The following MMP14 variants were observed in gnomAD, a reference collection of about 807,000 sequenced individuals.
MMP14 encodes matrix metalloproteinase-14.
In MMP14, 13 loss-of-function variants were observed where a neutral mutation model predicts 64.8. That is an observed-to-expected ratio of 0.20 (90% CI 0.13 to 0.32). MMP14 has a LOEUF of 0.32. Among genes scored for constraint, MMP14 ranks in the 10% least tolerant of loss-of-function variants. The pLI is 1.00. For missense variants in MMP14, 594 were observed against 783.8 expected (o/e 0.76, Z 2.89); for synonymous variants, 322 against 315.9 (o/e 1.02, Z -0.20).
At chr14:22,845,141 C>A (rs2039802899) in intron 8 of MMP14, 110 bp from the exon 9 acceptor site, 1 of 784,530 alleles carries the variant, frequency 1.3e-6, no homozygotes. Context: ...AACCCCTGTC[C>A]CCACCCTGTC....
At chr14:22,840,041 A>C (rs1310940539) in intron 1 of MMP14, among the ~76,000 whole-genome samples, 3 of 134,460 alleles carry the variant, frequency 2.2e-5, no homozygotes, top group Non-Finnish European at 4.6e-5. Context: ...GATCTTGGCT[A>C]ACTGCAACCT....
chr14:22,847,467 G>T lies in MMP14; in HGVS notation c.*1428G>T. On this transcript the variant is annotated 3_prime_UTR_variant, in exon 10 of 10. Transcript: ENST00000311852. Reference sequence around the variant, plus strand: ...AGGGAGCAAGAGGAGAGGGATGTCGGGGGGGTGGGGCACGGGGTAGGGGAA... The same window carrying T: ...AGGGAGCAAGAGGAGAGGGATGTCGTGGGGGTGGGGCACGGGGTAGGGGAA... The T allele has an allele frequency of 6.6e-6, 1 of 152,000 alleles. No homozygotes were observed. The highest frequency in any genetic ancestry group is 2.4e-5 in the African/African-American group (1 of 41,352). The allele number at this position is 152,000 out of a possible 1,614,324, so 9.4% of individuals were successfully genotyped here. A position where few individuals can be genotyped will look rare whatever the true frequency, so the allele number is the denominator to read the frequency against.
chr14:22,843,780 T>A lies in MMP14; in HGVS notation c.921T>A (p.Asp307Glu). Residue 307 changes from aspartate (D) to glutamate (E), a missense_variant, in exon 6 of 10, where the codon GAT becomes GAA. This residue lies in a region of MMP14 where 364 missense variants were observed against 425.2 expected (regional missense o/e 0.86). Coordinates refer to ENST00000311852, the MANE Select transcript of MMP14 (RefSeq NM_004995.4). This position sits in a 1 kb window ranked among gnomAD's most constrained non-coding sequence, Gnocchi z 4.8. Reference sequence around the variant, plus strand: ...CTACCTCCCGGCCTTCTGTTCCTGATAAACCCAAAAACCCCACCTATGGGC... The same window carrying A: ...CTACCTCCCGGCCTTCTGTTCCTGAAAAACCCAAAAACCCCACCTATGGGC... ...PRTTSRPSVP[D>E]KPKNPTYGPN... The A allele has an allele frequency of 2.5e-6, 4 of 1,613,614 alleles. No individual in the cohort carries two copies. Among genetic ancestry groups the A allele is most frequent in the Non-Finnish European group, 3.4e-6 (4 of 1,179,892 alleles).
Position 22,842,839 on chromosome 14 carries a change from C to A in MMP14, c.688+122C>A. ...GGACCACAGAGACCTTCTGATCTAA[C>A]TTCTGACAAAAGCAGGAGTCCTGTT... On this transcript the variant is annotated intron_variant, in intron 4 of 9. Coordinates refer to ENST00000311852, the MANE Select transcript of MMP14 (RefSeq NM_004995.4). The surrounding 1 kb of genome is among the most constrained non-coding windows in gnomAD (Gnocchi z 5.3). The A allele has an allele frequency of 9.4e-7, 1 of 1,069,124 alleles. No homozygotes were observed. Among genetic ancestry groups the A allele is most frequent in the Non-Finnish European group, 1.3e-6 (1 of 754,940 alleles). 66.2% of individuals were successfully genotyped at this position (1,069,124 alleles called of 1,614,324 possible). A position where few individuals can be genotyped will look rare whatever the true frequency, so the allele number is the denominator to read the frequency against.
intron 1 of MMP14, chr14:22,837,438 G>A (rs1340714897): frequency 6.6e-6 from 3 of 454,866 alleles, no homozygotes; most frequent in Non-Finnish European, 1.3e-5. Flanking sequence ...CTGCGGCCAG[G>A]TGGGGGTCGA....
rs373180383 is a variant in MMP14 at position 22,845,700 on chromosome 14, C to T, written c.1418-8C>T. On this transcript the variant is annotated splice_region_variant and splice_polypyrimidine_tract_variant and intron_variant, in intron 9 of 9. Transcript: ENST00000311852. ...CTTCCTTACCACCTTCTGATTCACT[C>T]CCTGCAGTCTTCACTTACTTCTACA... is the stretch of plus-strand genomic sequence containing the variant. The T allele has an allele frequency of 1.9e-6, 3 of 1,613,306 alleles. No homozygotes were observed. Among genetic ancestry groups the T allele is most frequent in the Admixed American group, 3.3e-5 (2 of 60,014 alleles).
Position 22,843,819 on chromosome 14 carries a change from C to T in MMP14, c.960C>T (p.Asp320=), listed in dbSNP as rs371131343. The change falls in exon 6 of 10, where the codon GAC becomes GAT. Residue 320 remains aspartate (D), a synonymous_variant. Transcript: ENST00000311852. This position sits in a 1 kb window ranked among gnomAD's most constrained non-coding sequence, Gnocchi z 4.8. ...KNPTYGPNIC[D]GNFDTVAMLR... ...CCACCTATGGGCCCAACATCTGTGA[C>T]GGGAACTTTGACACCGTGGCCATGC... 6.7e-5 allele frequency: 108 copies of T among 1,613,368 alleles called. No individual in the cohort carries two copies. The highest frequency in any genetic ancestry group is 3.8e-4 in the Admixed American group (23 of 59,748).
rs17882219 is a variant in MMP14 at position 22,836,827 on chromosome 14, G to A, written c.10G>A (p.Ala4Thr). 1.7e-3 allele frequency: 2,709 copies of A among 1,603,280 alleles called. 43 individuals are homozygous for A. In the African/African-American group the frequency reaches 0.032, roughly 19 times the overall value. ...CCGGTGGTCTCGGACCATGTCTCCC[G>A]CCCCAAGACCCCCCCGTTGTCTCCT... is the stretch of plus-strand genomic sequence containing the variant. MSP[A>T]PRPPRCLLLP... Residue 4 changes from alanine (A) to threonine (T), a missense_variant, in exon 1 of 10, where the codon GCC (alanine) becomes ACC (threonine). By Grantham distance (58) the Ala-to-Thr change is moderately conservative (BLOSUM62 0). Coordinates refer to ENST00000311852, the MANE Select transcript of MMP14 (RefSeq NM_004995.4).
rs941149806 is a variant in MMP14 at position 22,846,351 on chromosome 14, A to C, written c.*312A>C. 1 of 348,880 alleles carries C rather than the reference A, an allele frequency of 2.9e-6. No homozygotes were observed. The highest frequency in any genetic ancestry group is 4.3e-5 in the Admixed American group (1 of 23,400). 21.6% of individuals were successfully genotyped at this position (348,880 alleles called of 1,614,324 possible). ...CATCTGAATGTGTTGGGGGCTCTGC[A>C]CTTGAAGGCAGGACCCTCAGACCTC... On this transcript the variant is annotated 3_prime_UTR_variant, in exon 10 of 10. Coordinates refer to ENST00000311852, the MANE Select transcript of MMP14 (RefSeq NM_004995.4).
Position 22,842,036 on chromosome 14 carries a change from G to A in MMP14, c.380+1G>A. ...GGCAACATAATGAAATCACTTTCTG[G>A]TGAGTCCAACAGGCAAGCAACCTTT... On this transcript the variant is annotated splice_donor_variant, in intron 3 of 9. Coordinates refer to ENST00000311852, the MANE Select transcript of MMP14 (RefSeq NM_004995.4). LOFTEE classifies it high-confidence loss of function. The surrounding 1 kb of genome is among the most constrained non-coding windows in gnomAD (Gnocchi z 5.3). 6.2e-7 allele frequency: 1 copy of A among 1,614,166 alleles called. No individual in the cohort carries two copies. Among genetic ancestry groups the A allele is most frequent in the Non-Finnish European group, 8.5e-7 (1 of 1,180,030 alleles).
chr14:22,841,925 C>A lies in MMP14; in HGVS notation c.270C>A (p.Arg90=), dbSNP rs2039775836. The A allele has an allele frequency of 6.2e-7, 1 of 1,614,230 alleles. No individual in the cohort carries two copies. Among genetic ancestry groups the A allele is most frequent in the Non-Finnish European group, 8.5e-7 (1 of 1,180,048 alleles). ...ADADTMKAMR[R]PRCGVPDKFG... ...AAACCCACTCCAGGGCCATGAGGCG[C>A]CCCCGATGTGGTGTTCCAGACAAGT... Residue 90 remains arginine, a synonymous_variant, in exon 3 of 10, where the codon CGC becomes CGA. Coordinates refer to ENST00000311852, the MANE Select transcript of MMP14 (RefSeq NM_004995.4).
chr14:22,845,140 C>T, intron 8 of MMP14, 111 bp from the exon 9 acceptor site: 1 of 778,216 alleles, frequency 1.3e-6, no homozygotes, highest in East Asian at 2.7e-5. Context: ...AAACCCCTGT[C>T]CCCACCCTGT....
At chr14:22,838,192 G>A (rs2039748620) in intron 1 of MMP14, among the ~76,000 whole-genome samples, 1 of 152,180 alleles carries the variant, frequency 6.6e-6, no homozygotes, top group Admixed American at 6.5e-5. Context: ...GAGCCTGACT[G>A]TCCGGGAGGA....
At position 22,844,759 on chromosome 14, in the gene MMP14, C is replaced by T. The variant is rs1290763435; in HGVS notation, c.1280C>T (p.Thr427Ile). The T allele has an allele frequency of 3.1e-6, 5 of 1,614,104 alleles. No homozygotes were observed. In the South Asian group the frequency reaches 5.5e-5, roughly 18 times the overall value. ...AALFWMPNGK[T>I]YFFRGNKYYR... Reference sequence around the variant, plus strand: ...CTCTTCTGGATGCCCAATGGAAAGACCTACTTCTTCCGTGGAAACAAGTAA... The same window carrying T: ...CTCTTCTGGATGCCCAATGGAAAGATCTACTTCTTCCGTGGAAACAAGTAA... Residue 427 changes from threonine (T) to isoleucine (I), a missense_variant, in exon 8 of 10, where the codon ACC becomes ATC. By Grantham distance (89) the Thr-to-Ile change is moderately conservative. This residue lies in a region of MMP14 where 364 missense variants were observed against 425.2 expected (regional missense o/e 0.86). Transcript: ENST00000311852.
In MMP14 at chr14:22,845,145, C is replaced by A. The variant is rs2039802952; in HGVS notation, c.1302-106C>A. The A allele has an allele frequency of 9.9e-6, 8 of 809,220 alleles. 1 individual carries two copies. The South Asian group carries it at 1.3e-4, about 13-fold the overall frequency. The allele number at this position is 809,220 out of a possible 1,614,324, so 50.1% of individuals were successfully genotyped here. A position where few individuals can be genotyped will look rare whatever the true frequency, so the allele number is the denominator to read the frequency against. Reference sequence around the variant, plus strand: ...TCATTACTCAAAACCCCTGTCCCCACCCTGTCCACAGCTATCCTTTGCCCA... The same window carrying A: ...TCATTACTCAAAACCCCTGTCCCCAACCTGTCCACAGCTATCCTTTGCCCA... On this transcript the variant is annotated intron_variant, in intron 8 of 9. Transcript: ENST00000311852.
At chr14:22,844,337 A>C (rs1384340829) in intron 6 of MMP14, 34 bp from the exon 7 acceptor site, 1 of 1,613,230 alleles carries the variant, frequency 6.2e-7, no homozygotes, top group Non-Finnish European at 8.5e-7. Flanking sequence ...GCCGCAAGAC[A>C]TAATGGACTT....
chr14:22,845,870 T>A lies in MMP14; in HGVS notation c.1580T>A (p.Ile527Asn). ...GTEEETEVII[I>N]EVDEEGGGAV... ...GAGGAGGAGACGGAGGTGATCATCATTGAGGTGGACGAGGAGGGCGGCGGG... is the reference window on the plus strand; with the variant it reads ...GAGGAGGAGACGGAGGTGATCATCAATGAGGTGGACGAGGAGGGCGGCGGG... Residue 527 changes from isoleucine to asparagine, a missense_variant, in exon 10 of 10, where the codon ATT becomes AAT. By Grantham distance (149) the Ile-to-Asn change is moderately radical (BLOSUM62 -3). Transcript: ENST00000311852. 1 of 1,614,068 alleles carries A rather than the reference T, an allele frequency of 6.2e-7. No homozygotes were observed. Among genetic ancestry groups the A allele is most frequent in the Non-Finnish European group, 8.5e-7 (1 of 1,179,996 alleles).
chr14:22,845,011 T>C, intron 8 of MMP14, among the ~76,000 whole-genome samples: 1 of 152,228 alleles, frequency 6.6e-6, no homozygotes, highest in South Asian at 2.1e-4. Flanking sequence ...CCCCCAGCAC[T>C]GCGCCTCCAC....
In MMP14 at chr14:22,843,710, G is replaced by A. The variant is rs1383570601; in HGVS notation, c.851G>A (p.Gly284Glu). ...DDRRGIQQLY[G>E]GESGFPTKMP... ...ATGCCCCTCGTGTTTTCTGCCCCAGGGGGTGAGTCAGGGTTCCCCACCAAG... is the reference window on the plus strand; with the variant it reads ...ATGCCCCTCGTGTTTTCTGCCCCAGAGGGTGAGTCAGGGTTCCCCACCAAG... Residue 284 changes from glycine (G) to glutamate (E), a missense_variant and splice_region_variant, in exon 6 of 10, where the codon GGG becomes GAG. This residue lies in a region of MMP14 where 364 missense variants were observed against 425.2 expected (regional missense o/e 0.86). Coordinates refer to ENST00000311852, the MANE Select transcript of MMP14 (RefSeq NM_004995.4). This position sits in a 1 kb window ranked among gnomAD's most constrained non-coding sequence, Gnocchi z 4.8. The A allele has an allele frequency of 1.9e-6, 3 of 1,588,952 alleles. No homozygotes were observed. Among genetic ancestry groups the A allele is most frequent in the South Asian group, 2.3e-5 (2 of 87,194 alleles).
Sources: gnomAD v4.1 joint callset for allele counts (sites outside exome capture counted in the v4.1 genomes callset) on GRCh38, gnomAD v4.1.1 for gene constraint, gnomAD v4.1.1 regional missense constraint, Gnocchi (gnomAD v3.1) non-coding constraint, MANE v1.5 for transcripts, NCBI Gene and HGNC (gene_info 2026-07-23, HGNC 2026-07-21) for gene names.